Variants in PRELID2 observed in about 807,000 individuals in gnomAD.
PRELID2 encodes PRELI domain-containing protein 2.
PRELID2 carries 25 observed loss-of-function variants against 28.4 expected under a neutral mutation model. That is an observed-to-expected ratio of 0.88 (90% confidence interval 0.64 to 1.23). PRELID2 has a LOEUF of 1.23. Ranked by LOEUF, PRELID2 falls within the 50% of genes most tolerant of loss-of-function variation. The probability of loss-of-function intolerance (pLI) is 0.00; values close to 1 mark genes in which losing one functional copy is unlikely to be tolerated. For missense variants in PRELID2, 201 were observed against 214.4 expected (o/e 0.94, Z 0.39); for synonymous variants, 76 against 71.6 (o/e 1.06, Z -0.31).
At chr5:145,769,378 CTT>C (rs1757967092) in intron 5 of PRELID2, among the ~76,000 whole-genome samples, 1 of 152,298 alleles carries the variant, frequency 6.6e-6, no homozygotes, top group East Asian at 1.9e-4. Context: ...ATTCTAAACA[CTT>C]CACAAATTCT....
chr5:145,723,705 T>A (rs1229411162), intron 1 of PRELID2, among the ~76,000 whole-genome samples: 1 of 152,220 alleles, frequency 6.6e-6, no homozygotes, highest in Admixed American at 6.5e-5. Context: ...ACACATTCTG[T>A]TGGCAAGGCT....
chr5:145,498,191 A>T (rs1580959083), intron 1 of PRELID2, among the ~76,000 whole-genome samples: 1 of 152,122 alleles, frequency 6.6e-6, no homozygotes. Context: ...AAGGTAAAAA[A>T]AAACTAAATT....
chr5:145,790,028 C>A (rs954983286), intron 5 of PRELID2, among the ~76,000 whole-genome samples: 6 of 152,060 alleles, frequency 3.9e-5, no homozygotes, highest in African/African-American at 1.2e-4. Context: ...GAAAAGGATG[C>A]CCTTGTACAC....
the PRELID2 span, among the ~76,000 whole-genome samples, chr5:145,408,168 A>G: frequency 6.6e-6 from 1 of 152,098 alleles, no homozygotes; most frequent in Non-Finnish European, 1.5e-5. Context: ...TGAGGTTTAG[A>G]TCTTTCCACT....
the PRELID2 span, among the ~76,000 whole-genome samples, chr5:145,447,717 C>T: frequency 4.0e-3 from 444 of 111,116 alleles, 2 homozygotes; most frequent in Middle Eastern, 0.013. Flanking sequence ...TGAGAATATG[C>T]GGTGTTTGGT....
At chr5:145,378,092 T>C in the PRELID2 span, among the ~76,000 whole-genome samples, 5 of 152,202 alleles carry the variant, frequency 3.3e-5, no homozygotes, top group African/African-American at 1.2e-4. Context: ...GGAATTTCTT[T>C]TAAGAAAGTT....
At chr5:145,435,771 C>T in the PRELID2 span, among the ~76,000 whole-genome samples, 1 of 152,086 alleles carries the variant, frequency 6.6e-6, no homozygotes, top group African/African-American at 2.4e-5. Context: ...GCCAGAAAGG[C>T]AGTGTACTAT....
chr5:145,385,099 A>G, the PRELID2 span, among the ~76,000 whole-genome samples: 1 of 152,302 alleles, frequency 6.6e-6, no homozygotes, highest in Admixed American at 6.5e-5. Flanking sequence ...TGATTACACA[A>G]GTGTATATAT....
chr5:145,441,917 G>A, the PRELID2 span, among the ~76,000 whole-genome samples: 1 of 152,096 alleles, frequency 6.6e-6, no homozygotes, highest in Non-Finnish European at 1.5e-5. Flanking sequence ...ATGCGATTCA[G>A]ACAAAGTCTG....
chr5:145,328,340 G>C, the PRELID2 span, among the ~76,000 whole-genome samples: 1 of 152,136 alleles, frequency 6.6e-6, no homozygotes, highest in Non-Finnish European at 1.5e-5. Context: ...TCTAGTTCTA[G>C]ATCCTTGAGG....
chr5:145,789,966 A>G (rs193034800), intron 5 of PRELID2, among the ~76,000 whole-genome samples: 24 of 152,330 alleles, frequency 1.6e-4, no homozygotes, highest in Admixed American at 5.9e-4. Flanking sequence ...TACTTGTTAC[A>G]ATGGCTGATA....
chr5:145,673,719 A>C (rs887307615), intron 1 of PRELID2, among the ~76,000 whole-genome samples: 10 of 152,146 alleles, frequency 6.6e-5, no homozygotes, highest in African/African-American at 2.4e-4. Flanking sequence ...AAATTATGAA[A>C]GATTAAAAGT....
At chr5:145,824,373 C>T (rs930636091) in intron 1 of PRELID2, among the ~76,000 whole-genome samples, 1 of 150,734 alleles carries the variant, frequency 6.6e-6, no homozygotes, top group African/African-American at 2.4e-5. Flanking sequence ...GTTTTCCGAA[C>T]CCTAGGAAGT....
chr5:145,813,123 C>G (rs750675804), intron 4 of PRELID2, among the ~76,000 whole-genome samples: 3 of 152,158 alleles, frequency 2.0e-5, no homozygotes, highest in Non-Finnish European at 2.9e-5. Context: ...TAGTCACACA[C>G]CCACACCTGC....
At chr5:145,574,720 CA>C (rs895230290) in intron 1 of PRELID2, among the ~76,000 whole-genome samples, 1 of 152,156 alleles carries the variant, frequency 6.6e-6, no homozygotes, top group African/African-American at 2.4e-5. Context: ...CTGAGGATGT[CA>C]AAATCTGTGG....
At position 145,500,659 on chromosome 5, in the gene PRELID2, A is replaced by G. The variant is rs147714907; in HGVS notation, n.71-27344T>C. ...AACAGAAATTGATTTTGGTTAATTTAAGATAAGCATGATGCGTTGGAAAAT... is the reference window on the plus strand; with the variant it reads ...AACAGAAATTGATTTTGGTTAATTTGAGATAAGCATGATGCGTTGGAAAAT... On this transcript the variant is annotated intron_variant and non_coding_transcript_variant, in intron 1 of 2. Coordinates refer to the PRELID2 transcript ENST00000510259. Among the ~76,000 whole-genome samples, 355 of 152,284 alleles carry G rather than the reference A, an allele frequency of 2.3e-3. 1 individual carries two copies. Among genetic ancestry groups the G allele is most frequent in the African/African-American group, 8.0e-3 (334 of 41,572 alleles).
the PRELID2 span, among the ~76,000 whole-genome samples, chr5:145,461,747 T>C: frequency 2.0e-5 from 3 of 152,238 alleles, no homozygotes; most frequent in Non-Finnish European, 4.4e-5. Flanking sequence ...TGGAGAAATA[T>C]AGATAAGATT....
At chr5:145,378,699 A>G in the PRELID2 span, among the ~76,000 whole-genome samples, 8 of 152,040 alleles carry the variant, frequency 5.3e-5, no homozygotes, top group Admixed American at 3.9e-4. Context: ...GTTTTATTAT[A>G]CTTTTTAGCT....
chr5:145,264,442 T>C, the PRELID2 span, among the ~76,000 whole-genome samples: 1 of 151,974 alleles, frequency 6.6e-6, no homozygotes, highest in East Asian at 1.9e-4. Context: ...AAATCCAGCA[T>C]CCCTTTATGA....
Sources: gnomAD v4.1 joint callset for allele counts (sites outside exome capture counted in the v4.1 genomes callset) on GRCh38, gnomAD v4.1.1 for gene constraint, MANE v1.5 for transcripts, NCBI Gene and HGNC (gene_info 2026-07-23, HGNC 2026-07-21) for gene names.